The following NDUFAF2 variants were observed in gnomAD, a reference collection of about 807,000 sequenced individuals.
The protein encoded by NDUFAF2 is NADH:ubiquinone oxidoreductase complex assembly factor 2.
In NDUFAF2, 13 loss-of-function variants were observed where a neutral mutation model predicts 22.8. The ratio of observed to expected loss-of-function variants is 0.57; its 90% CI spans 0.37 to 0.91. The LOEUF is 0.91. Among genes scored for constraint, NDUFAF2 ranks in the 40% least tolerant of loss-of-function variants. NDUFAF2 has a pLI of 0.01. For synonymous variants in NDUFAF2, 53 were observed against 64.2 expected (o/e 0.83, Z 0.84); for missense variants, 162 against 195.2 (o/e 0.83, Z 1.01).
chr5:61,152,262 C>T (rs902802823), intron 3 of NDUFAF2, among the ~76,000 whole-genome samples: 14 of 150,626 alleles, frequency 9.3e-5, no homozygotes, highest in South Asian at 8.4e-4. Flanking sequence ...CAGAGGGTGA[C>T]GTTAGCATTC....
chr5:61,123,665 A>G (rs949226642), intron 3 of NDUFAF2, among the ~76,000 whole-genome samples: 1 of 152,206 alleles, frequency 6.6e-6, no homozygotes, highest in African/African-American at 2.4e-5. Context: ...TACTTGTAAA[A>G]TGTAAGTACA....
At chr5:61,099,166 TAATA>T (rs991758795) in intron 3 of NDUFAF2, 134 bp downstream of exon 3, 37 of 351,512 alleles carry the variant, frequency 1.1e-4, no homozygotes, top group African/African-American at 7.3e-4. Flanking sequence ...AAACATTTTA[TAATA>T]AATTAATATA....
chr5:60,955,919 GT>G (rs201647934), intron 1 of NDUFAF2, among the ~76,000 whole-genome samples: 42 of 143,986 alleles, frequency 2.9e-4, no homozygotes, highest in Admixed American at 5.5e-4. Flanking sequence ...TGTTGACTTT[GT>G]TTTTTTTTTT....
chr5:60,949,549 G>C (rs906961949), intron 1 of NDUFAF2, among the ~76,000 whole-genome samples: 1 of 152,180 alleles, frequency 6.6e-6, no homozygotes, highest in African/African-American at 2.4e-5. Context: ...CATTTTCCAT[G>C]AGTACATACC....
intron 1 of NDUFAF2, among the ~76,000 whole-genome samples, chr5:60,950,291 ATT>A (rs1354682423): frequency 1.3e-5 from 2 of 151,822 alleles, no homozygotes; most frequent in South Asian, 2.1e-4. Flanking sequence ...GTTTCAAGCG[ATT>A]TTTCTGCCTC....
chr5:61,144,994 A>G (rs549933363), intron 3 of NDUFAF2, among the ~76,000 whole-genome samples: 17 of 152,200 alleles, frequency 1.1e-4, no homozygotes, highest in Non-Finnish European at 2.2e-4. Flanking sequence ...AGGATTTTGC[A>G]TGAGGGACTG....
chr5:61,041,353 T>TAA (rs1751880105), intron 1 of NDUFAF2, among the ~76,000 whole-genome samples: 1 of 152,156 alleles, frequency 6.6e-6, no homozygotes. Context: ...ATCGAAGAGT[T>TAA]GAAATACTAC....
intron 1 of NDUFAF2, among the ~76,000 whole-genome samples, chr5:60,954,992 T>A (rs1750596978): frequency 6.6e-6 from 1 of 152,214 alleles, no homozygotes; most frequent in Admixed American, 6.5e-5. Flanking sequence ...TAATCATTTA[T>A]GAGATATGGT....
intron 3 of NDUFAF2, among the ~76,000 whole-genome samples, chr5:61,136,051 G>T (rs1221930444): frequency 1.0e-5 from 1 of 97,308 alleles, no homozygotes; most frequent in African/African-American, 4.9e-5. Context: ...ATCTAGGGTG[G>T]ATTGCTTTTT....
At chr5:61,007,717 G>C (rs534056752) in intron 1 of NDUFAF2, among the ~76,000 whole-genome samples, 1 of 152,188 alleles carries the variant, frequency 6.6e-6, no homozygotes, top group African/African-American at 2.4e-5. Context: ...CTGTAAACTA[G>C]TTCAACCATT....
intron 3 of NDUFAF2, among the ~76,000 whole-genome samples, chr5:61,114,200 A>T (rs1404683595): frequency 6.6e-6 from 1 of 152,000 alleles, no homozygotes; most frequent in Non-Finnish European, 1.5e-5. Flanking sequence ...TCATGTAGGC[A>T]TGGTTCCTTG....
At chr5:61,038,292 A>C (rs947684552) in intron 1 of NDUFAF2, among the ~76,000 whole-genome samples, 1 of 152,204 alleles carries the variant, frequency 6.6e-6, no homozygotes, top group Non-Finnish European at 1.5e-5. Context: ...CATAATGCCT[A>C]TTCTGCAAAT....
chr5:61,109,287 G>A (rs28888995), intron 3 of NDUFAF2, among the ~76,000 whole-genome samples: 6,675 of 152,154 alleles, frequency 0.044, 503 homozygotes, highest in African/African-American at 0.15. Flanking sequence ...TATTGATTTT[G>A]TATGTTGATT....
At chr5:61,040,160 AG>A (rs1751852601) in intron 1 of NDUFAF2, among the ~76,000 whole-genome samples, 2 of 151,224 alleles carry the variant, frequency 1.3e-5, no homozygotes, top group Admixed American at 1.3e-4. Flanking sequence ...ATTTGGAAGT[AG>A]GGTGTTTGTC....
intron 3 of NDUFAF2, among the ~76,000 whole-genome samples, chr5:61,103,475 C>T (rs1055764446): frequency 6.6e-6 from 1 of 151,986 alleles, no homozygotes; most frequent in Non-Finnish European, 1.5e-5. Flanking sequence ...TCCTGTATAA[C>T]TCTTTAAGTT....
intron 1 of NDUFAF2, among the ~76,000 whole-genome samples, chr5:61,049,461 A>G (rs1051259332): frequency 6.6e-6 from 1 of 152,188 alleles, no homozygotes; most frequent in Non-Finnish European, 1.5e-5. Flanking sequence ...TACACATAAC[A>G]TAAAATTTAC....
At chr5:61,080,949 A>G (rs1423385469) in intron 2 of NDUFAF2, among the ~76,000 whole-genome samples, 3 of 151,994 alleles carry the variant, frequency 2.0e-5, no homozygotes. Context: ...GGTCAAGAAT[A>G]TTTTGTCCTG....
intron 3 of NDUFAF2, among the ~76,000 whole-genome samples, chr5:61,101,428 A>G (rs888573301): frequency 6.6e-6 from 1 of 152,142 alleles, no homozygotes; most frequent in African/African-American, 2.4e-5. Context: ...TTTGTTTTAA[A>G]TCTTTCAGTC....
intron 1 of NDUFAF2, among the ~76,000 whole-genome samples, chr5:60,998,876 A>G (rs1015421757): frequency 3.3e-5 from 5 of 151,908 alleles, no homozygotes; most frequent in Admixed American, 2.6e-4. Flanking sequence ...GAGACCCATT[A>G]TATTCAGAGA....
Sources: allele counts gnomAD v4.1 joint callset (sites outside exome capture counted in the v4.1 genomes callset), GRCh38; gene constraint gnomAD v4.1.1; transcripts MANE v1.5; gene names NCBI Gene and HGNC (gene_info 2026-07-23, HGNC 2026-07-21).